RUFY4: variants seen among roughly 807,000 people sequenced by gnomAD.
The protein encoded by RUFY4 is RUN and FYVE domain-containing protein 4.
RUFY4 carries 73 observed loss-of-function variants against 69.0 expected under a neutral mutation model. That is an observed-to-expected ratio of 1.06 (90% CI 0.88 to 1.29). The LOEUF (loss-of-function observed/expected upper bound fraction) is 1.29, where lower values mean the gene tolerates loss of function less well. Among genes scored for constraint, RUFY4 ranks in the 50% most tolerant of loss-of-function variants. The probability of loss-of-function intolerance (pLI) is 0.00; values close to 1 mark genes in which losing one functional copy is unlikely to be tolerated. For synonymous variants in RUFY4, 287 were observed against 271.8 expected, an observed-to-expected ratio of 1.06 and a Z score of -0.55; for missense variants, 770 against 705.6, an observed-to-expected ratio of 1.09 and a Z score of -1.03.
At chr2:218,064,306 CA>C, upstream of RUFY4, among the ~76,000 whole-genome samples, 1 of 152,212 alleles carries the variant, frequency 6.6e-6, no homozygotes, top group African/African-American at 2.4e-5. Context: ...TGCTGGCTCC[CA>C]GCTCTGGTGG....
At chr2:218,076,066 GGTAA>G (rs1185948663) in intron 7 of RUFY4, among the ~76,000 whole-genome samples, 1 of 152,150 alleles carries the variant, frequency 6.6e-6, no homozygotes, top group East Asian at 1.9e-4. Context: ...TCCTCATGAT[GGTAA>G]GTCTCTTCCC....
At chr2:218,035,769 A>G (rs930612202) in intron 2 of RUFY4, among the ~76,000 whole-genome samples, 1 of 152,122 alleles carries the variant, frequency 6.6e-6, no homozygotes, top group African/African-American at 2.4e-5. Context: ...AAAACCAGGC[A>G]CCCTGCTCCC....
exon 2 of RUFY4, chr2:218,070,840 G>A (rs1689468703): frequency 2.0e-6 from 3 of 1,536,328 alleles, no homozygotes; most frequent in South Asian, 1.2e-5. Flanking sequence ...CTCTGTGGCT[G>A]CCTGGAGCTG....
intron 3 of RUFY4, among the ~76,000 whole-genome samples, chr2:218,063,876 G>A (rs1276695197): frequency 6.6e-6 from 1 of 152,158 alleles, no homozygotes; most frequent in Admixed American, 6.5e-5. Context: ...CCTGAGCTGA[G>A]CTTCCACCTC....
At chr2:218,086,775 T>TG (rs1328142113) in intron 9 of RUFY4, among the ~76,000 whole-genome samples, 1 of 151,676 alleles carries the variant, frequency 6.6e-6, no homozygotes, top group Non-Finnish European at 1.5e-5. Context: ...AAAAGGGAAT[T>TG]CCCAAGATGA....
At chr2:218,043,291 T>A (rs913496014) in intron 2 of RUFY4, among the ~76,000 whole-genome samples, 1 of 152,056 alleles carries the variant, frequency 6.6e-6, no homozygotes, top group African/African-American at 2.4e-5. Flanking sequence ...TCTTCCACTC[T>A]CAGCAGTCAG....
chr2:218,057,804 G>A (rs775700875), intron 2 of RUFY4, among the ~76,000 whole-genome samples: 2 of 152,170 alleles, frequency 1.3e-5, no homozygotes, highest in African/African-American at 2.4e-5. Flanking sequence ...TTCTGTTCTG[G>A]CTTCTTCCAC....
upstream of RUFY4, chr2:218,065,534 G>A (rs113061266): frequency 3.7e-4 from 56 of 152,504 alleles, no homozygotes; most frequent in African/African-American, 1.0e-3. Context: ...GCCACTGAAT[G>A]AGGTGGGTGT....
intron 6 of RUFY4, 195 bp downstream of exon 8, chr2:218,074,080 T>C: frequency 1.6e-6 from 1 of 627,504 alleles, no homozygotes; most frequent in Non-Finnish European, 2.8e-6. Flanking sequence ...ATTCCTGGGG[T>C]GGCGGGGACA....
At chr2:218,051,408 G>T (rs1047954903) in intron 2 of RUFY4, among the ~76,000 whole-genome samples, 2 of 151,740 alleles carry the variant, frequency 1.3e-5, no homozygotes, top group Admixed American at 6.6e-5. Context: ...TAAAAATTAA[G>T]GTTTCTAAAA....
In RUFY4 at chr2:218,042,871, A is replaced by G. The variant is rs145220246; in HGVS notation, c.-1158+7477A>G. Among the ~76,000 whole-genome samples, 1,389 of 152,320 alleles carry G rather than the reference A, an allele frequency of 9.1e-3. 17 individuals carry two copies. Among genetic ancestry groups the G allele is most frequent in the Middle Eastern group, 0.014 (4 of 294 alleles). ...GTGTGTTACAGTTTTCTACTGAAATACAATCTTTATTATAGTCACTCCTAT... is the reference window on the plus strand; with the variant it reads ...GTGTGTTACAGTTTTCTACTGAAATGCAATCTTTATTATAGTCACTCCTAT... On this transcript the variant is annotated intron_variant and NMD_transcript_variant, in intron 2 of 13. Coordinates refer to the RUFY4 transcript ENST00000457754.
intron 8 of RUFY4, among the ~76,000 whole-genome samples, chr2:218,081,126 A>G (rs1574516321): frequency 2.0e-5 from 3 of 152,248 alleles, no homozygotes; most frequent in South Asian, 2.1e-4. Context: ...TCACCCCCTG[A>G]TTAAAATACT....
exon 7 of RUFY4, chr2:218,075,595 C>G (rs760124126): frequency 1.7e-5 from 26 of 1,524,564 alleles, no homozygotes; most frequent in Middle Eastern, 3.6e-4. Context: ...TCGGGGGGCT[C>G]TAGCATCCTG....
intron 9 of RUFY4, 96 bp downstream of exon 11, chr2:218,083,352 C>T: frequency 6.8e-7 from 1 of 1,461,172 alleles, no homozygotes; most frequent in Non-Finnish European, 9.2e-7. Flanking sequence ...TCACAACTCC[C>T]AAGCAGGGTT....
At chr2:218,043,532 G>A (rs1223228036) in intron 2 of RUFY4, among the ~76,000 whole-genome samples, 3 of 152,142 alleles carry the variant, frequency 2.0e-5, no homozygotes, top group African/African-American at 7.2e-5. Flanking sequence ...CCCAACTTCT[G>A]CAGTTCTCAG....
At chr2:218,066,467 G>A (rs1199361358), upstream of RUFY4, among the ~76,000 whole-genome samples, 2 of 152,180 alleles carry the variant, frequency 1.3e-5, no homozygotes, top group African/African-American at 4.8e-5. Flanking sequence ...GAGCCACCAC[G>A]CCCAGCCAAC....
intron 2 of RUFY4, among the ~76,000 whole-genome samples, chr2:218,044,018 C>T (rs763970374): frequency 2.0e-5 from 3 of 152,260 alleles, no homozygotes; most frequent in Non-Finnish European, 4.4e-5. Flanking sequence ...GGTTCACATG[C>T]AACCTTACTC....
chr2:218,072,737 G>A, intron 3 of RUFY4, 42 bp from the exon 6 acceptor site: 1 of 1,445,698 alleles, frequency 6.9e-7, no homozygotes, highest in Non-Finnish European at 9.2e-7. Context: ...GGCGCCCTTT[G>A]TCCTAATACT....
chr2:218,089,703 G>C (rs1036440377), intron 10 of RUFY4: 2 of 703,500 alleles, frequency 2.8e-6, no homozygotes, highest in Non-Finnish European at 5.2e-6. Context: ...GACCAGCCTT[G>C]GGAGAGAGGA....
Sources: allele counts gnomAD v4.1 joint callset (sites outside exome capture counted in the v4.1 genomes callset), GRCh38; gene constraint gnomAD v4.1.1; transcripts MANE v1.5; gene names NCBI Gene and HGNC (gene_info 2026-07-23, HGNC 2026-07-21).